The following FOCAD variants were observed in gnomAD, a reference collection of about 807,000 sequenced individuals.
FOCAD encodes KIAA1797.
In FOCAD, 198 loss-of-function variants were observed where a neutral mutation model predicts 225.6. The ratio of observed to expected loss-of-function variants is 0.88; its 90% CI spans 0.78 to 0.99. FOCAD has a LOEUF of 0.99. FOCAD is among the 50% of genes least tolerant of loss of function. The pLI is 0.00. For synonymous variants in FOCAD, 897 were observed against 755.0 expected (o/e 1.19, Z -3.08); for missense variants, 2,713 against 2,123.6 (o/e 1.28, Z -5.46).
In FOCAD at chr9:20,862,558, C is replaced by G; in HGVS notation, c.1921-20C>G. 2 of 1,610,394 alleles carry G rather than the reference C, an allele frequency of 1.2e-6. No individual in the cohort carries two copies. Among genetic ancestry groups the G allele is most frequent in the Non-Finnish European group, 1.7e-6 (2 of 1,178,308 alleles). ...GGTTGGAGTCTTGTTAGGTGTTGACCTTTTCTATTTGCTTCACAGGTTGTT... is the reference window on the plus strand; with the variant it reads ...GGTTGGAGTCTTGTTAGGTGTTGACGTTTTCTATTTGCTTCACAGGTTGTT... On this transcript the variant is annotated intron_variant, in intron 15 of 43. Transcript: ENST00000338382.
intron 15 of FOCAD, among the ~76,000 whole-genome samples, chr9:20,828,713 C>G (rs1825172975): frequency 6.6e-6 from 1 of 152,048 alleles, no homozygotes; most frequent in Non-Finnish European, 1.5e-5. Flanking sequence ...TGGTGGTTTG[C>G]TGCACCTATC....
At chr9:20,976,727 G>A (rs757755078) in intron 36 of FOCAD, among the ~76,000 whole-genome samples, 179 bp downstream of exon 36, 1 of 152,146 alleles carries the variant, frequency 6.6e-6, no homozygotes, top group Admixed American at 6.5e-5. Flanking sequence ...CTGAGGGTGA[G>A]GAAGAAGAGG....
At chr9:20,811,078 A>G (rs911256381) in intron 11 of FOCAD, among the ~76,000 whole-genome samples, 1 of 152,184 alleles carries the variant, frequency 6.6e-6, no homozygotes, top group Middle Eastern at 3.4e-3. Flanking sequence ...ATACTTTTTC[A>G]TAGAATCAAA....
At chr9:20,870,221 G>C (rs1829641858) in intron 18 of FOCAD, among the ~76,000 whole-genome samples, 1 of 152,166 alleles carries the variant, frequency 6.6e-6, no homozygotes, top group African/African-American at 2.4e-5. Flanking sequence ...TGCATTCAGG[G>C]TTGGTATAAA....
At chr9:20,742,634 A>G (rs1412636469) in intron 5 of FOCAD, among the ~76,000 whole-genome samples, 1 of 152,230 alleles carries the variant, frequency 6.6e-6, no homozygotes, top group African/African-American at 2.4e-5. Context: ...GATGATGGTA[A>G]AAAGAAGTTT....
At chr9:20,834,719 A>T (rs1051913573) in intron 15 of FOCAD, among the ~76,000 whole-genome samples, 7 of 152,024 alleles carry the variant, frequency 4.6e-5, no homozygotes, top group African/African-American at 7.2e-5. Flanking sequence ...GGGAGTAGGG[A>T]GATAGACCAG....
chr9:20,994,830 G>A (rs930674695), intron 43 of FOCAD, among the ~76,000 whole-genome samples: 4 of 152,042 alleles, frequency 2.6e-5, no homozygotes, highest in South Asian at 2.1e-4. Flanking sequence ...GCAATCATTC[G>A]GGCCAAGGAA....
intron 31 of FOCAD, 72 bp downstream of exon 31, chr9:20,948,465 TA>T: frequency 2.6e-6 from 4 of 1,522,136 alleles, no homozygotes; most frequent in Non-Finnish European, 2.7e-6. Flanking sequence ...GGATCATTTA[TA>T]GGAGTTGCTG....
At chr9:20,820,877 A>T in intron 13 of FOCAD, 64 bp from the exon 14 acceptor site, 1 of 1,563,480 alleles carries the variant, frequency 6.4e-7, no homozygotes, top group Non-Finnish European at 8.7e-7. Context: ...GCTGAGTAAA[A>T]GGAAGATAAT....
At chr9:20,943,841 A>G (rs1836911052) in intron 28 of FOCAD, among the ~76,000 whole-genome samples, 1 of 152,232 alleles carries the variant, frequency 6.6e-6, no homozygotes, top group South Asian at 2.1e-4. Flanking sequence ...AAAGTAAAGC[A>G]TTACCACAAG....
chr9:20,837,347 AC>A (rs1194111617), intron 15 of FOCAD, among the ~76,000 whole-genome samples: 1 of 152,086 alleles, frequency 6.6e-6, no homozygotes, highest in Non-Finnish European at 1.5e-5. Flanking sequence ...AAAAGATCAA[AC>A]AAGCTGGACA....
At chr9:20,815,123 G>GTTTT (rs71334554) in intron 11 of FOCAD, among the ~76,000 whole-genome samples, 5 of 85,388 alleles carry the variant, frequency 5.9e-5, no homozygotes, top group Admixed American at 1.4e-4. Flanking sequence ...ACTTCTCTTT[G>GTTTT]TTTTTTTTTT....
intron 1 of FOCAD, among the ~76,000 whole-genome samples, chr9:20,702,745 T>C (rs1052649007): frequency 6.6e-6 from 1 of 152,174 alleles, no homozygotes; most frequent in African/African-American, 2.4e-5. Context: ...TGAGCTCCTA[T>C]TTCCTCCTGT....
At position 20,702,927 on chromosome 9, in the gene FOCAD, T is replaced by G. The variant is rs185350561; in HGVS notation, c.-32-12395T>G. On this transcript the variant is annotated intron_variant, in intron 1 of 43. Coordinates refer to ENST00000338382, the MANE Select transcript of FOCAD (RefSeq NM_001375567.1). ...TAATCTTTATTGAATAGGTATTTGT[T>G]ATATGCTGGGGAGATAGTGGTAAGA... 6.2e-4 allele frequency among the ~76,000 whole-genome samples: 95 copies of G among 152,240 alleles called. No individual in the cohort carries two copies. The East Asian group carries it at 0.01, about 16-fold the overall frequency.
At chr9:20,796,369 A>C (rs1394625495) in intron 11 of FOCAD, among the ~76,000 whole-genome samples, 1 of 152,162 alleles carries the variant, frequency 6.6e-6, no homozygotes, top group Non-Finnish European at 1.5e-5. Context: ...TTCTAGTTCT[A>C]GCTCCCTGAG....
chr9:20,799,889 T>G (rs1821598595), intron 11 of FOCAD, among the ~76,000 whole-genome samples: 1 of 152,148 alleles, frequency 6.6e-6, no homozygotes, highest in African/African-American at 2.4e-5. Flanking sequence ...ATCCTGTCAT[T>G]ATGATGTTAG....
chr9:20,989,746 A>G (rs1011884016), intron 41 of FOCAD, among the ~76,000 whole-genome samples: 1 of 152,226 alleles, frequency 6.6e-6, no homozygotes, highest in Non-Finnish European at 1.5e-5. Flanking sequence ...CCACATAACC[A>G]TAAATATTTC....
At position 20,923,737 on chromosome 9, in the gene FOCAD, G is replaced by GCCT. The variant is rs1240792185; in HGVS notation, c.2932_2934dup (p.Leu978dup). On this transcript the variant is annotated inframe_insertion, in exon 25 of 44. Coordinates refer to ENST00000338382, the MANE Select transcript of FOCAD (RefSeq NM_001375567.1). ...GTCGTCGTATCTAGACATGAAGCCA[G>GCCT]CCTCTCCTCAGACTCTGACGGGCTC... 5 of 1,613,976 alleles carry GCCT rather than the reference G, an allele frequency of 3.1e-6. No homozygotes were observed. The East Asian group carries it at 8.9e-5, about 29-fold the overall frequency.
At chr9:20,759,487 G>T (rs1829369909) in intron 6 of FOCAD, among the ~76,000 whole-genome samples, 1 of 152,192 alleles carries the variant, frequency 6.6e-6, no homozygotes, top group Admixed American at 6.5e-5. Flanking sequence ...AATAAATGGT[G>T]CTGGGAAAAC....
Sources: gnomAD v4.1 joint callset for allele counts (sites outside exome capture counted in the v4.1 genomes callset) on GRCh38, gnomAD v4.1.1 for gene constraint, MANE v1.5 for transcripts, NCBI Gene and HGNC (gene_info 2026-07-23, HGNC 2026-07-21) for gene names.